The following DCDC2 variants were observed in gnomAD, a reference collection of about 807,000 sequenced individuals.
DCDC2 encodes doublecortin domain-containing protein 2.
A neutral mutation model predicts 50.2 loss-of-function variants in DCDC2; 40 were observed. That is an observed-to-expected ratio of 0.80 (90% CI 0.62 to 1.04). DCDC2 has a LOEUF of 1.04. DCDC2 is among the 50% of genes least tolerant of loss of function. The pLI, the probability that DCDC2 is intolerant of heterozygous loss-of-function variation, is 0.00. For missense variants in DCDC2, 570 were observed against 581.9 expected (o/e 0.98, Z 0.21); for synonymous variants, 234 against 210.6 (o/e 1.11, Z -0.96).
chr6:24,208,448 G>A (rs768084099), intron 7 of DCDC2, among the ~76,000 whole-genome samples: 6 of 129,548 alleles, frequency 4.6e-5, no homozygotes, highest in Non-Finnish European at 7.7e-5. Flanking sequence ...TCCGCTCACC[G>A]CAAGCTCCGC....
At chr6:24,186,487 G>A (rs2113746836) in intron 8 of DCDC2, among the ~76,000 whole-genome samples, 1 of 152,260 alleles carries the variant, frequency 6.6e-6, no homozygotes, top group African/African-American at 2.4e-5. Flanking sequence ...GCACATGCGT[G>A]CATGTGCGCA....
intron 7 of DCDC2, among the ~76,000 whole-genome samples, chr6:24,244,518 G>A (rs112505559): frequency 2.0e-5 from 3 of 152,136 alleles, no homozygotes; most frequent in Non-Finnish European, 4.4e-5. Flanking sequence ...TAAATGTCAC[G>A]GTGTTCAGTG....
chr6:24,367,372 C>T, the DCDC2 span, among the ~76,000 whole-genome samples: 3 of 152,278 alleles, frequency 2.0e-5, no homozygotes, highest in Admixed American at 6.5e-5. Flanking sequence ...AGAGAAGTTC[C>T]CCATGCAAAT....
intron 5 of DCDC2, among the ~76,000 whole-genome samples, chr6:24,289,971 CTTTTTTTTTTTTTTTTTTTTTTTTTT>C (rs3077132): frequency 1.3e-4 from 8 of 60,986 alleles, no homozygotes; most frequent in South Asian, 7.3e-4. Flanking sequence ...CAGAGCTCTT[CTTTTTTTTTTTTTTTTTTTTTTTTTT>C]TTTTTTTTTT....
chr6:24,307,345 T>G (rs981178003), intron 2 of DCDC2, among the ~76,000 whole-genome samples: 1 of 152,192 alleles, frequency 6.6e-6, no homozygotes, highest in African/African-American at 2.4e-5. Flanking sequence ...ATTATAGAAT[T>G]TAAAAGCTCA....
intron 7 of DCDC2, among the ~76,000 whole-genome samples, chr6:24,220,163 A>C (rs933777812): frequency 1.3e-5 from 2 of 152,376 alleles, no homozygotes; most frequent in Non-Finnish European, 2.9e-5. Flanking sequence ...AAATAAAAAC[A>C]GTTGAGTTAG....
At chr6:24,282,835 G>A (rs1317680489) in intron 6 of DCDC2, among the ~76,000 whole-genome samples, 2 of 152,146 alleles carry the variant, frequency 1.3e-5, no homozygotes, top group African/African-American at 4.8e-5. Context: ...ATCTGGTGAT[G>A]ACAAGAGTAA....
chr6:24,264,860 T>C (rs954271278), intron 7 of DCDC2, among the ~76,000 whole-genome samples: 1 of 150,050 alleles, frequency 6.7e-6, no homozygotes, highest in African/African-American at 2.4e-5. Context: ...CCTGACAATC[T>C]GTTACCTACA....
At chr6:24,317,330 C>T (rs1427470323) in intron 2 of DCDC2, among the ~76,000 whole-genome samples, 1 of 151,834 alleles carries the variant, frequency 6.6e-6, no homozygotes, top group Non-Finnish European at 1.5e-5. Context: ...AGAAACAGAC[C>T]AAAGGAAGTA....
chr6:24,228,236 A>C (rs1277050476), intron 7 of DCDC2, among the ~76,000 whole-genome samples: 2 of 152,240 alleles, frequency 1.3e-5, no homozygotes, highest in African/African-American at 4.8e-5. Context: ...TACTGCAGAC[A>C]AGAGCAAAAG....
intron 8 of DCDC2, among the ~76,000 whole-genome samples, chr6:24,199,706 A>G (rs974254152): frequency 5.9e-5 from 9 of 151,796 alleles, no homozygotes; most frequent in African/African-American, 2.2e-4. Flanking sequence ...GGGTAATAAC[A>G]AACTCCTCCA....
intron 2 of DCDC2, among the ~76,000 whole-genome samples, chr6:24,314,954 G>T (rs893858967): frequency 6.6e-6 from 1 of 152,030 alleles, no homozygotes; most frequent in African/African-American, 2.4e-5. Flanking sequence ...TCTTTCAAAA[G>T]AAATATATTT....
At chr6:24,256,893 T>A (rs1401426716) in intron 7 of DCDC2, among the ~76,000 whole-genome samples, 1 of 152,200 alleles carries the variant, frequency 6.6e-6, no homozygotes, top group African/African-American at 2.4e-5. Flanking sequence ...CTAAGGCTGT[T>A]ATCTTGGCAG....
intron 7 of DCDC2, among the ~76,000 whole-genome samples, chr6:24,224,447 G>C (rs771471878): frequency 2.0e-5 from 3 of 152,168 alleles, no homozygotes; most frequent in Non-Finnish European, 2.9e-5. Context: ...AAACACCTAA[G>C]ATGAAGAGCT....
intron 8 of DCDC2, among the ~76,000 whole-genome samples, chr6:24,199,496 C>T (rs1222773145): frequency 1.3e-5 from 2 of 152,160 alleles, no homozygotes; most frequent in East Asian, 1.9e-4. Context: ...CACACAAAAA[C>T]CCCATCAGAA....
the DCDC2 span, among the ~76,000 whole-genome samples, chr6:24,381,997 A>C: frequency 5.3e-4 from 63 of 118,570 alleles, no homozygotes; most frequent in East Asian, 8.1e-3. Context: ...GGAAGGAAGG[A>C]AGGAAGGAAG....
intron 4 of DCDC2, among the ~76,000 whole-genome samples, chr6:24,292,106 CAATT>C (rs1442964143): frequency 4.6e-5 from 7 of 152,082 alleles, no homozygotes; most frequent in African/African-American, 1.4e-4. Context: ...CTACGAGCTA[CAATT>C]AATATGTTAC....
chr6:24,378,138 C>T, the DCDC2 span, among the ~76,000 whole-genome samples: 1 of 152,148 alleles, frequency 6.6e-6, no homozygotes, highest in African/African-American at 2.4e-5. Context: ...ATTGACCAGA[C>T]CCAGTAAAAA....
rs184144220 is a variant in DCDC2 at position 24,219,400 on chromosome 6, G to A, written c.923-14298C>T. Among the ~76,000 whole-genome samples, 186 of 152,222 alleles carry A rather than the reference G, an allele frequency of 1.2e-3. 1 individual carries two copies. Among genetic ancestry groups the A allele is most frequent in the Non-Finnish European group, 3.4e-4 (23 of 68,012 alleles). ...AGAACCTGCATTTTACACGAGAAAC[G>A]GAGATATTTTCAAGTTCACAGGCAG... is the stretch of plus-strand genomic sequence containing the variant. On this transcript the variant is annotated intron_variant, in intron 7 of 9. Coordinates refer to ENST00000378454, the MANE Select transcript of DCDC2 (RefSeq NM_016356.5).
Sources: allele counts gnomAD v4.1 joint callset (sites outside exome capture counted in the v4.1 genomes callset), GRCh38; gene constraint gnomAD v4.1.1; transcripts MANE v1.5; gene names NCBI Gene and HGNC (gene_info 2026-07-23, HGNC 2026-07-21).